Variants in PRMT2 observed in about 807,000 individuals in gnomAD.
The protein encoded by PRMT2 is protein arginine N-methyltransferase 2.
In PRMT2, 26 loss-of-function variants were observed where a neutral mutation model predicts 57.6. That is an observed-to-expected ratio of 0.45 (90% CI 0.33 to 0.63). The LOEUF (loss-of-function observed/expected upper bound fraction) is 0.63. Ranked by LOEUF, PRMT2 falls within the 20% of genes least tolerant of loss-of-function variation. The pLI is 0.02. For missense variants in PRMT2, 472 were observed against 564.4 expected (o/e 0.84, Z 1.66); for synonymous variants, 219 against 220.0 (o/e 1.00, Z 0.04).
intron 2 of PRMT2, 103 bp downstream of exon 2, chr21:46,636,650 G>C (rs2061176805): frequency 2.7e-6 from 1 of 366,760 alleles, no homozygotes. Context: ...AAACTAACAG[G>C]CTTCAGCAAA....
chr21:46,650,822 AGGGAG>A (rs1427025572), intron 7 of PRMT2, among the ~76,000 whole-genome samples: 2 of 152,104 alleles, frequency 1.3e-5, no homozygotes, highest in African/African-American at 4.8e-5. Context: ...CGTGGGGCAG[AGGGAG>A]GGGAGAGGAG....
rs777835906 is a variant in PRMT2 at position 46,664,286 on chromosome 21, C to G, written c.1270-9C>G. 1.9e-6 allele frequency: 3 copies of G among 1,604,594 alleles called. No homozygotes were observed. The African/African-American group carries it at 4.0e-5, about 21-fold the overall frequency. On this transcript the variant is annotated splice_polypyrimidine_tract_variant and intron_variant, in intron 11 of 11. Transcript: ENST00000355680. ...ATCTGATTGACCTGTTGTCATTTAT[C>G]TTTTTCAGGTTGGAGAAAAAGTCTT...
At chr21:46,643,508 C>T in intron 3 of PRMT2, 27 bp from the exon 4 acceptor site, 1 of 1,496,076 alleles carries the variant, frequency 6.7e-7, no homozygotes, top group Non-Finnish European at 8.9e-7. Flanking sequence ...AGCGTCCTCT[C>T]CTCACGCTTT....
intron 3 of PRMT2, among the ~76,000 whole-genome samples, chr21:46,642,597 A>G (rs2061295378): frequency 6.6e-6 from 1 of 152,240 alleles, no homozygotes; most frequent in African/African-American, 2.4e-5. Context: ...TAAAGTAAAC[A>G]CGAATTACTT....
At chr21:46,659,933 A>C (rs2061595273) in intron 8 of PRMT2, 1 of 985,370 alleles carries the variant, frequency 1.0e-6, no homozygotes, top group Non-Finnish European at 1.2e-6. Context: ...GTGTATACAG[A>C]ATGGATGTTT....
At chr21:46,640,692 C>T (rs1191160580) in intron 3 of PRMT2, among the ~76,000 whole-genome samples, 5 of 151,566 alleles carry the variant, frequency 3.3e-5, no homozygotes, top group Admixed American at 6.6e-5. Context: ...ATCTGCCCAC[C>T]TTGGCCTTGA....
At chr21:46,661,060 G>A in intron 9 of PRMT2, 98 bp downstream of exon 9, 6 of 1,225,844 alleles carry the variant, frequency 4.9e-6, no homozygotes, top group East Asian at 2.5e-5. Flanking sequence ...GTGAGTGCTG[G>A]GGGTGTGAGT....
At chr21:46,654,081 A>G (rs2061504711) in intron 7 of PRMT2, 3 of 985,996 alleles carry the variant, frequency 3.0e-6, no homozygotes. Flanking sequence ...CTGAGACTGC[A>G]GTGTCCTCCT....
chr21:46,661,519 G>A (rs2061620551), intron 9 of PRMT2: 3 of 263,144 alleles, frequency 1.1e-5, no homozygotes, highest in Non-Finnish European at 2.1e-5. Context: ...CCAGCCTGGA[G>A]CTCTCCAACT....
chr21:46,652,221 A>G, intron 7 of PRMT2: 1 of 1,378,644 alleles, frequency 7.3e-7, no homozygotes, highest in Non-Finnish European at 9.4e-7. Flanking sequence ...GGAGGAAACA[A>G]AAAAATTGCT....
Position 46,649,976 on chromosome 21 carries a change from G to T in PRMT2, c.654+237G>T. 3 of 1,431,460 alleles carry T rather than the reference G, an allele frequency of 2.1e-6. No homozygotes were observed. Among genetic ancestry groups the T allele is most frequent in the Non-Finnish European group, 2.8e-6 (3 of 1,090,070 alleles). The allele number at this position is 1,431,460 out of a possible 1,614,324, so 88.7% of individuals were successfully genotyped here. ...CAAAGTTCATGTAACATTTTCATGA[G>T]TGATTTACATGAACTGTGTTCTCCT... On this transcript the variant is annotated intron_variant, in intron 7 of 11. Coordinates refer to ENST00000355680, the MANE Select transcript of PRMT2 (RefSeq NM_206962.4). The surrounding 1 kb of genome is among the most constrained non-coding windows in gnomAD (Gnocchi z 4.8).
chr21:46,657,449 T>C (rs1450603230), intron 7 of PRMT2: 3 of 151,230 alleles, frequency 2.0e-5, no homozygotes, highest in African/African-American at 7.3e-5. Flanking sequence ...GATAAACTGG[T>C]GCGTCCACAC....
At chr21:46,637,765 A>G (rs1003798876) in intron 3 of PRMT2, among the ~76,000 whole-genome samples, 2 of 149,354 alleles carry the variant, frequency 1.3e-5, no homozygotes, top group Non-Finnish European at 3.0e-5. Flanking sequence ...GTGTGTGTAT[A>G]TACATATATG....
chr21:46,639,451 G>A (rs1283548423), intron 3 of PRMT2, among the ~76,000 whole-genome samples: 7 of 151,884 alleles, frequency 4.6e-5, no homozygotes, highest in African/African-American at 1.5e-4. Flanking sequence ...CACTATGATT[G>A]TAGATATATC....
intron 7 of PRMT2, among the ~76,000 whole-genome samples, chr21:46,656,236 A>G (rs2061540201): frequency 1.3e-5 from 2 of 152,100 alleles, no homozygotes; most frequent in South Asian, 4.1e-4. Context: ...TTTGCTTTCC[A>G]CCGTGAGGGG....
At chr21:46,637,051 T>C in intron 3 of PRMT2, 61 bp downstream of exon 3, 1 of 1,563,668 alleles carries the variant, frequency 6.4e-7, no homozygotes, top group South Asian at 1.1e-5. Flanking sequence ...TACAGAGAGC[T>C]AAGCGTCAGC....
At chr21:46,658,226 C>G (rs2061568147) in intron 7 of PRMT2, 1 of 152,982 alleles carries the variant, frequency 6.5e-6, no homozygotes, top group African/African-American at 2.4e-5. Flanking sequence ...ATGTGATGTG[C>G]TTCCCTTGAC....
In PRMT2 at chr21:46,643,400, C is replaced by T. The variant is rs530125534; in HGVS notation, c.40-135C>T. Reference sequence around the variant, plus strand: ...CTTTGATTATAGTAGTAAAGATGATCCAAATAGTTTGTATAATAAATACTT... The same window carrying T: ...CTTTGATTATAGTAGTAAAGATGATTCAAATAGTTTGTATAATAAATACTT... On this transcript the variant is annotated intron_variant, in intron 3 of 11. Transcript: ENST00000355680. The T allele has an allele frequency of 3.9e-6, 5 of 1,287,330 alleles. No individual in the cohort carries two copies. The South Asian group carries it at 1.3e-4, about 34-fold the overall frequency. The allele number at this position is 1,287,330 out of a possible 1,614,324, so 79.7% of individuals were successfully genotyped here. A position where few individuals can be genotyped will look rare whatever the true frequency, so the allele number is the denominator to read the frequency against.
intron 8 of PRMT2, chr21:46,659,364 T>C (rs1386234913): frequency 1.1e-5 from 11 of 986,880 alleles, no homozygotes; most frequent in African/African-American, 1.7e-5. Flanking sequence ...CTGGGCTAGA[T>C]AGAATCTGGC....
Sources: allele counts gnomAD v4.1 joint callset (sites outside exome capture counted in the v4.1 genomes callset), GRCh38; gene constraint gnomAD v4.1.1; non-coding constraint Gnocchi (gnomAD v3.1); transcripts MANE v1.5; gene names NCBI Gene and HGNC (gene_info 2026-07-23, HGNC 2026-07-21).